The following GUCA1C variants were observed in gnomAD, a reference collection of about 807,000 sequenced individuals.
GUCA1C encodes the protein guanylate cyclase activator 1C.
GUCA1C carries 15 observed loss-of-function variants against 16.2 expected under a neutral mutation model. The ratio of observed to expected loss-of-function variants is 0.93; its 90% CI spans 0.62 to 1.43. The LOEUF is 1.43. Among genes scored for constraint, GUCA1C ranks in the 40% most tolerant of loss-of-function variants. The pLI is 0.00. For synonymous variants in GUCA1C, 78 were observed against 85.4 expected (o/e 0.91, Z 0.48); for missense variants, 275 against 244.8 (o/e 1.12, Z -0.82).
At chr3:108,941,457 A>G (rs1419518395) in intron 1 of GUCA1C, among the ~76,000 whole-genome samples, 1 of 152,182 alleles carries the variant, frequency 6.6e-6, no homozygotes, top group Non-Finnish European at 1.5e-5. Flanking sequence ...CTCCCTCTGT[A>G]AAGATCTTTG....
chr3:108,932,924 C>CAAAA (rs57918246), intron 1 of GUCA1C, among the ~76,000 whole-genome samples: 21 of 68,636 alleles, frequency 3.1e-4, no homozygotes, highest in Non-Finnish European at 5.6e-4. Flanking sequence ...AAAAAAATCT[C>CAAAA]AAAAAAAAAA....
At chr3:108,925,911 A>T (rs1249522632) in intron 1 of GUCA1C, among the ~76,000 whole-genome samples, 1 of 152,110 alleles carries the variant, frequency 6.6e-6, no homozygotes, top group Non-Finnish European at 1.5e-5. Flanking sequence ...ACATGGTGAA[A>T]CCCTGTCTCT....
intron 1 of GUCA1C, among the ~76,000 whole-genome samples, chr3:108,933,147 T>C (rs1946687961): frequency 6.6e-6 from 1 of 152,162 alleles, no homozygotes; most frequent in Non-Finnish European, 1.5e-5. Flanking sequence ...TTTATCCTTT[T>C]ACTCCACCAA....
intron 1 of GUCA1C, among the ~76,000 whole-genome samples, chr3:108,943,691 T>C (rs1294205374): frequency 6.6e-6 from 1 of 152,144 alleles, no homozygotes; most frequent in East Asian, 1.9e-4. Context: ...ACAGTAACAT[T>C]TCTTGAATGC....
At chr3:108,914,379 C>A (rs151181503) in intron 3 of GUCA1C, among the ~76,000 whole-genome samples, 1 of 152,168 alleles carries the variant, frequency 6.6e-6, no homozygotes, top group Non-Finnish European at 1.5e-5. Context: ...AACAAAAAGT[C>A]CTGAATCATA....
chr3:108,936,197 G>C (rs1946725932), intron 1 of GUCA1C, among the ~76,000 whole-genome samples: 1 of 152,146 alleles, frequency 6.6e-6, no homozygotes, highest in South Asian at 2.1e-4. Context: ...GGGAGTTGGA[G>C]GTTGAGATGA....
rs544783026 is a variant in GUCA1C at position 108,927,968 on chromosome 3, A to G, written c.205-7383T>C. The stretch of plus-strand genomic sequence containing the variant: ...TGGAGCTTCCTGAGAGCCAAACTGT[A>G]GTAATTATTTTTGCTCTTCTGGGTC... On this transcript the variant is annotated intron_variant, in intron 1 of 3. Transcript: ENST00000261047. 8.5e-5 allele frequency among the ~76,000 whole-genome samples: 13 copies of G among 152,282 alleles called. No homozygotes were observed. In the South Asian group the frequency reaches 2.7e-3, roughly 32 times the overall value.
At chr3:108,912,485 T>C (rs1014155467) in intron 3 of GUCA1C, among the ~76,000 whole-genome samples, 1 of 152,062 alleles carries the variant, frequency 6.6e-6, no homozygotes, top group African/African-American at 2.4e-5. Flanking sequence ...CTGATGCTTT[T>C]GTTCGTAATA....
chr3:108,945,421 T>C (rs758401368), intron 1 of GUCA1C, among the ~76,000 whole-genome samples: 5 of 152,220 alleles, frequency 3.3e-5, no homozygotes, highest in Admixed American at 6.5e-5. Flanking sequence ...CCACATACTT[T>C]CATTTTGTAC....
chr3:108,945,375 T>C (rs1946834173), intron 1 of GUCA1C, among the ~76,000 whole-genome samples: 1 of 152,212 alleles, frequency 6.6e-6, no homozygotes. Context: ...AGTCCCATCA[T>C]CTCACCTGGT....
intron 1 of GUCA1C, among the ~76,000 whole-genome samples, chr3:108,942,546 C>A (rs1426292514): frequency 1.3e-5 from 2 of 152,320 alleles, no homozygotes; most frequent in East Asian, 1.9e-4. Flanking sequence ...CCCCACACAA[C>A]CCTAATATTT....
intron 1 of GUCA1C, among the ~76,000 whole-genome samples, chr3:108,935,713 CA>C (rs1485032571): frequency 1.3e-5 from 2 of 151,412 alleles, no homozygotes; most frequent in African/African-American, 4.9e-5. Context: ...ACAAAAACAA[CA>C]AAAAAAGAAA....
chr3:108,947,326 T>A (rs1946852807), intron 1 of GUCA1C, among the ~76,000 whole-genome samples: 1 of 152,166 alleles, frequency 6.6e-6, no homozygotes, highest in South Asian at 2.1e-4. Flanking sequence ...CATCAGGATA[T>A]CCTCACGTTT....
chr3:108,933,489 G>A (rs1318913905), intron 1 of GUCA1C, among the ~76,000 whole-genome samples: 2 of 152,148 alleles, frequency 1.3e-5, no homozygotes, highest in East Asian at 3.9e-4. Flanking sequence ...ATTATATATT[G>A]TGAATCGTTT....
intron 1 of GUCA1C, among the ~76,000 whole-genome samples, chr3:108,932,007 C>T (rs536407255): frequency 1.6e-3 from 236 of 151,810 alleles, no homozygotes; most frequent in African/African-American, 5.5e-3. Flanking sequence ...CCCACCACCA[C>T]GCCCAGGTAA....
chr3:108,915,692 A>T (rs1346252448), intron 3 of GUCA1C, among the ~76,000 whole-genome samples: 1 of 152,192 alleles, frequency 6.6e-6, no homozygotes, highest in Non-Finnish European at 1.5e-5. Flanking sequence ...AAAAAGCCTG[A>T]TAGTAGAAGA....
At chr3:108,913,142 TTG>T (rs983658681) in intron 3 of GUCA1C, among the ~76,000 whole-genome samples, 2 of 152,060 alleles carry the variant, frequency 1.3e-5, no homozygotes, top group African/African-American at 4.8e-5. Context: ...AGTTGTATCT[TTG>T]TGTGCTGTGA....
chr3:108,953,479 A>G, intron 1 of GUCA1C, 80 bp downstream of exon 1: 1 of 943,864 alleles, frequency 1.1e-6, no homozygotes, highest in East Asian at 2.4e-5. Context: ...ACTTAAGGCT[A>G]TTTTACAGGA....
At chr3:108,932,779 G>T (rs1946682523) in intron 1 of GUCA1C, among the ~76,000 whole-genome samples, 1 of 151,974 alleles carries the variant, frequency 6.6e-6, no homozygotes, top group Non-Finnish European at 1.5e-5. Flanking sequence ...GAATTAGCCG[G>T]GCGTGGCGGC....
Sources: gnomAD v4.1 joint callset for allele counts (sites outside exome capture counted in the v4.1 genomes callset) on GRCh38, gnomAD v4.1.1 for gene constraint, MANE v1.5 for transcripts, NCBI Gene and HGNC (gene_info 2026-07-23, HGNC 2026-07-21) for gene names.